Variants in RPL12 observed in about 807,000 individuals in gnomAD.
RPL12 encodes the protein ribosomal protein L12.
In RPL12, 10 loss-of-function variants were observed where a neutral mutation model predicts 24.5. The ratio of observed to expected loss-of-function variants is 0.41; its 90% confidence interval spans 0.25 to 0.69. The LOEUF is 0.69. RPL12 is among the 30% of genes least tolerant of loss of function. The pLI is 0.33. For missense variants in RPL12, 137 were observed against 205.3 expected, an observed-to-expected ratio of 0.67 and a Z score of 2.03; for synonymous variants, 74 against 76.1, an observed-to-expected ratio of 0.97 and a Z score of 0.14.
intron 1 of RPL12, 95 bp downstream of exon 1, chr9:127,451,186 C>T (rs1296410458): frequency 1.3e-6 from 2 of 1,503,192 alleles, no homozygotes; most frequent in African/African-American, 1.4e-5. Context: ...TGGGAGGCAG[C>T]GGCTTTAAGA....
At chr9:127,448,309 T>A (rs768601670) in intron 5 of RPL12, 28 bp downstream of exon 5, 47 of 1,534,928 alleles carry the variant, frequency 3.1e-5, no homozygotes, top group South Asian at 5.6e-5. Context: ...ACTACAGTTA[T>A]GGCGGTTACA....
At chr9:127,451,257 C>A in intron 1 of RPL12, 24 bp downstream of exon 1, 2 of 1,611,788 alleles carry the variant, frequency 1.2e-6, no homozygotes, top group Non-Finnish European at 1.7e-6. Flanking sequence ...ATCCCGCAGC[C>A]CCGGCCACAA....
At position 127,447,894 on chromosome 9, in the gene RPL12, C is replaced by T. The variant is rs1315505033; in HGVS notation, c.475G>A (p.Ala159Thr). The change falls in exon 6 of 7, where the codon GCT (alanine) becomes ACT (threonine). Residue 159 changes from alanine (A) to threonine (T), a missense_variant. Ala to Thr is a moderately conservative substitution (Grantham distance 58). Transcript: ENST00000361436. ...HDIIDDINSG[A>T]VECPAS ...TCACTTACGGCTGGGCATTCCACAG[C>T]ACCACTGTTGATGTCATCGATGATG... 3 of 1,613,078 alleles carry T rather than the reference C, an allele frequency of 1.9e-6. No individual in the cohort carries two copies. The highest frequency in any genetic ancestry group is 2.2e-5 in the East Asian group (1 of 44,874).
intron 4 of RPL12, 118 bp from the exon 5 acceptor site, chr9:127,448,541 G>A (rs1415453216): frequency 2.5e-6 from 2 of 791,180 alleles, no homozygotes; most frequent in South Asian, 1.3e-5. Context: ...TCCACATGAA[G>A]AACAACCCTG....
In RPL12 at chr9:127,450,922, C is replaced by T. The variant is rs1834290811; in HGVS notation, c.38-118G>A. ...CCTCTTCTCGAAACAGCACAGAGCG[C>T]GAGGCGGGCCACCCGCTCCTCCCTC... On this transcript the variant is annotated intron_variant, in intron 1 of 6. Transcript: ENST00000361436. 4 of 803,198 alleles carry T rather than the reference C, an allele frequency of 5.0e-6. No homozygotes were observed. In the South Asian group the frequency reaches 6.7e-5, roughly 13 times the overall value. 49.8% of individuals were successfully genotyped at this position (803,198 alleles called of 1,614,324 possible). A position where few individuals can be genotyped will look rare whatever the true frequency, so the allele number is the denominator to read the frequency against.
In RPL12 at chr9:127,451,134, G is replaced by C. The variant is rs1371912162; in HGVS notation, c.37+147C>G. 14 of 1,108,152 alleles carry C rather than the reference G, an allele frequency of 1.3e-5. No individual in the cohort carries two copies. The East Asian group carries it at 3.4e-4, about 27-fold the overall frequency. The allele number at this position is 1,108,152 out of a possible 1,614,324, so 68.6% of individuals were successfully genotyped here. On this transcript the variant is annotated intron_variant, in intron 1 of 6. Coordinates refer to ENST00000361436, the MANE Select transcript of RPL12 (RefSeq NM_000976.4). The stretch of plus-strand genomic sequence containing the variant: ...ACGTGAAGAAGCTAAGGCCCAGAAA[G>C]GCTGAGGCTTGGCCGGGGCGGCGCA...
At chr9:127,448,305 G>A in intron 5 of RPL12, 32 bp downstream of exon 5, 3 of 1,517,810 alleles carry the variant, frequency 2.0e-6, no homozygotes, top group Non-Finnish European at 2.7e-6. Flanking sequence ...CACAACTACA[G>A]TTATGGCGGT....
chr9:127,448,045 CAGATACTGGG>C, intron 5 of RPL12, 56 bp from the exon 6 acceptor site: 4 of 1,548,012 alleles, frequency 2.6e-6, no homozygotes, highest in Non-Finnish European at 3.5e-6. Context: ...TCACAATCTG[CAGATACTGGG>C]GAATACTGAA....
chr9:127,448,223 G>C (rs1588083091), intron 5 of RPL12, 114 bp downstream of exon 5: 1 of 1,039,798 alleles, frequency 9.6e-7, no homozygotes, highest in African/African-American at 1.6e-5. Flanking sequence ...TTCAGTCCCA[G>C]AAAACTGCAC....
intron 4 of RPL12, 167 bp downstream of exon 4, chr9:127,449,114 C>G (rs1342767271): frequency 1.7e-6 from 1 of 576,174 alleles, no homozygotes. Context: ...TGTGAGCCAC[C>G]CAGCATACGT....
In RPL12 at chr9:127,450,366, A is replaced by C. The variant is rs963761961; in HGVS notation, c.111+365T>G. ...CAACACAGCTGGAAACGCTCACTGG[A>C]TCTTCACCCACACCCCGTTTAATCT... On this transcript the variant is annotated intron_variant, in intron 2 of 6. Coordinates refer to ENST00000361436, the MANE Select transcript of RPL12 (RefSeq NM_000976.4). 1.9e-4 allele frequency: 42 copies of C among 216,854 alleles called. 1 individual carries two copies. Among genetic ancestry groups the C allele is most frequent in the African/African-American group, 9.3e-4 (40 of 43,214 alleles). 13.4% of individuals were successfully genotyped at this position (216,854 alleles called of 1,614,324 possible).
intron 3 of RPL12, 118 bp downstream of exon 3, chr9:127,449,492 C>A: frequency 7.7e-7 from 1 of 1,299,608 alleles, no homozygotes; most frequent in Non-Finnish European, 1.1e-6. Flanking sequence ...AAAGCCTCCC[C>A]AACAAGGTGA....
At position 127,449,344 on chromosome 9, in the gene RPL12, C is replaced by G; in HGVS notation, c.229G>C (p.Ala77Pro). 1 of 1,609,430 alleles carries G rather than the reference C, an allele frequency of 6.2e-7. No individual in the cohort carries two copies. Among genetic ancestry groups the G allele is most frequent in the Non-Finnish European group, 8.5e-7 (1 of 1,179,894 alleles). ...AGGGCTTTGATGATCAGGGCAGAGG[C>G]AGAAGGCACCACCTCAATCTGCAGA... ...RQAQIEVVPS[A>P]SALIIKALKE... The change falls in exon 4 of 7, where the codon GCC (alanine) becomes CCC (proline). Residue 77 changes from alanine (A) to proline (P), a missense_variant. Physicochemically the swap from Ala to Pro is conservative, Grantham distance 27. Transcript: ENST00000361436.
chr9:127,450,298 C>A (rs578257462), intron 2 of RPL12: 79 of 173,982 alleles, frequency 4.5e-4, no homozygotes, highest in Non-Finnish European at 4.0e-4. Flanking sequence ...GCTCAGCAGG[C>A]ATGAGACACA....
chr9:127,451,126 C>T (rs1257755446), intron 1 of RPL12, 155 bp downstream of exon 1: 5 of 1,025,658 alleles, frequency 4.9e-6, no homozygotes, highest in Non-Finnish European at 7.0e-6. Flanking sequence ...GAAGCTAAGG[C>T]CCAGAAAGGC....
At chr9:127,448,049 T>TA (rs1834203458) in intron 5 of RPL12, 60 bp from the exon 6 acceptor site, 1 of 1,514,190 alleles carries the variant, frequency 6.6e-7, no homozygotes, top group African/African-American at 1.4e-5. Flanking sequence ...AATCTGCAGA[T>TA]ACTGGGGAAT....
intron 2 of RPL12, chr9:127,450,077 TCTC>T (rs1031790150): frequency 1.1e-4 from 26 of 227,166 alleles, no homozygotes; most frequent in South Asian, 6.5e-4. Flanking sequence ...ACTCTGAAGT[TCTC>T]CTCCTCTAGT....
intron 2 of RPL12, 70 bp downstream of exon 2, chr9:127,450,661 G>GT (rs1396380644): frequency 2.5e-6 from 3 of 1,212,646 alleles, no homozygotes; most frequent in African/African-American, 3.1e-5. Context: ...TGGCACAGGC[G>GT]TGACTCCACG....
At chr9:127,448,501 G>A in intron 4 of RPL12, 78 bp from the exon 5 acceptor site, 1 of 968,128 alleles carries the variant, frequency 1.0e-6, no homozygotes. Flanking sequence ...TTCATTTCTA[G>A]GCTGTTCCCA....
Sources: gnomAD v4.1 joint callset for allele counts on GRCh38, gnomAD v4.1.1 for gene constraint, MANE v1.5 for transcripts, NCBI Gene and HGNC (gene_info 2026-07-23, HGNC 2026-07-21) for gene names.